The following DLGAP1 variants were observed in gnomAD, a reference collection of about 807,000 sequenced individuals.
The protein encoded by DLGAP1 is DLG associated protein 1.
A neutral mutation model predicts 90.8 loss-of-function variants in DLGAP1; 11 were observed. The observed-to-expected ratio is 0.12, with a 90% CI of 0.08 to 0.20. The LOEUF is 0.20. Among genes scored for constraint, DLGAP1 ranks in the 10% least tolerant of loss-of-function variants. DLGAP1 has a pLI of 1.00. For synonymous variants in DLGAP1, 558 were observed against 540.7 expected (o/e 1.03, Z -0.44); for missense variants, 1,050 against 1,333.8 (o/e 0.79, Z 3.31).
intron 5 of DLGAP1, among the ~76,000 whole-genome samples, chr18:3,756,340 C>T (rs559273192): frequency 3.3e-5 from 5 of 152,124 alleles, no homozygotes; most frequent in East Asian, 1.9e-4. Flanking sequence ...TGAGCCACCA[C>T]GCCTGGCCTA....
chr18:4,169,196 A>C (rs956236822), intron 1 of DLGAP1, among the ~76,000 whole-genome samples: 2 of 152,138 alleles, frequency 1.3e-5, no homozygotes, highest in Non-Finnish European at 2.9e-5. Flanking sequence ...AATTTTCCAA[A>C]TCCTTGTTAG....
At chr18:3,687,883 T>C (rs910152574) in intron 7 of DLGAP1, among the ~76,000 whole-genome samples, 4 of 150,406 alleles carry the variant, frequency 2.7e-5, no homozygotes, top group African/African-American at 9.8e-5. Context: ...ATAATGAGTA[T>C]AATTATCCCA....
At chr18:4,372,474 C>T (rs2081936449) in intron 1 of DLGAP1, among the ~76,000 whole-genome samples, 3 of 152,200 alleles carry the variant, frequency 2.0e-5, no homozygotes, top group Non-Finnish European at 2.9e-5. Context: ...GAGATACCCA[C>T]AGCATGTAAA....
intron 6 of DLGAP1, among the ~76,000 whole-genome samples, chr18:3,730,279 CCTG>C (rs1277332367): frequency 9.3e-6 from 1 of 107,150 alleles, no homozygotes; most frequent in African/African-American, 3.8e-5. Context: ...CAACAAAAAA[CCTG>C]ATAAGATTCA....
At chr18:4,443,495 A>G (rs149526454) in intron 1 of DLGAP1, among the ~76,000 whole-genome samples, 232 of 152,344 alleles carry the variant, frequency 1.5e-3, no homozygotes, top group African/African-American at 5.3e-3. Flanking sequence ...GGTCCTAAAC[A>G]TGGTTTTCAT....
chr18:4,378,794 G>A lies in DLGAP1; in HGVS notation c.-267+76212C>T, dbSNP rs539412576. The stretch of plus-strand genomic sequence containing the variant: ...TCTTCCCTCCTAACAGCTTGGTTGT[G>A]TCACAGTTCCATAAACACCATTCCA... On this transcript the variant is annotated intron_variant, in intron 1 of 12. Transcript: ENST00000315677. The surrounding 1 kb of genome is among the most constrained non-coding windows in gnomAD (Gnocchi z 4.5). Among the ~76,000 whole-genome samples, 23 of 152,148 alleles carry A rather than the reference G, an allele frequency of 1.5e-4. No homozygotes were observed. The highest frequency in any genetic ancestry group is 1.5e-3 in the South Asian group (7 of 4,826).
At chr18:3,961,985 G>A (rs2073208523) in intron 3 of DLGAP1, among the ~76,000 whole-genome samples, 1 of 152,150 alleles carries the variant, frequency 6.6e-6, no homozygotes, top group African/African-American at 2.4e-5. Flanking sequence ...ATACAGTAAA[G>A]GATCCCTTCG....
At chr18:3,751,163 A>T (rs913605429) in intron 5 of DLGAP1, among the ~76,000 whole-genome samples, 2 of 152,226 alleles carry the variant, frequency 1.3e-5, no homozygotes, top group African/African-American at 4.8e-5. Context: ...CTAACACTTG[A>T]GTGCTTCCTT....
intron 1 of DLGAP1, among the ~76,000 whole-genome samples, chr18:4,420,729 AT>A (rs1398042606): frequency 1.3e-5 from 2 of 152,192 alleles, no homozygotes; most frequent in Non-Finnish European, 2.9e-5. Context: ...TGGATAGTTT[AT>A]TGGCACCTCA....
In DLGAP1 at chr18:3,888,875, C is replaced by T. The variant is rs139664034; in HGVS notation, c.-72-8735G>A. 4.7e-3 allele frequency among the ~76,000 whole-genome samples: 712 copies of T among 152,244 alleles called. 10 individuals are homozygous for T. The highest frequency in any genetic ancestry group is 0.029 in the Admixed American group (437 of 15,296). On this transcript the variant is annotated intron_variant, in intron 3 of 12. Transcript: ENST00000315677. ...TGCCTGTGCTGACTCTATGGGACCTCGGAGATATGCTTCCTATGGAATTGT... is the reference window on the plus strand; with the variant it reads ...TGCCTGTGCTGACTCTATGGGACCTTGGAGATATGCTTCCTATGGAATTGT...
At chr18:4,092,139 T>G (rs2075781423) in intron 2 of DLGAP1, among the ~76,000 whole-genome samples, 1 of 152,110 alleles carries the variant, frequency 6.6e-6, no homozygotes, top group South Asian at 2.1e-4. Flanking sequence ...CTACCTTGTG[T>G]GTAGGTGGGG....
chr18:3,701,433 A>G (rs1010522209), intron 7 of DLGAP1, among the ~76,000 whole-genome samples: 3 of 152,208 alleles, frequency 2.0e-5, no homozygotes, highest in East Asian at 3.9e-4. Context: ...AGAATGTTAA[A>G]ATAATAATAT....
At chr18:4,245,888 G>T (rs577514697) in intron 1 of DLGAP1, among the ~76,000 whole-genome samples, 1 of 152,200 alleles carries the variant, frequency 6.6e-6, no homozygotes, top group Non-Finnish European at 1.5e-5. Context: ...TTGGGGACAG[G>T]GCCCCGACTC....
intron 2 of DLGAP1, among the ~76,000 whole-genome samples, chr18:4,110,007 T>C (rs912346296): frequency 3.6e-5 from 5 of 138,824 alleles, no homozygotes; most frequent in Non-Finnish European, 7.7e-5. Context: ...AAGATTTCTC[T>C]CGTCTCCAAA....
At chr18:3,592,864 A>AG (rs2056338775) in intron 7 of DLGAP1, among the ~76,000 whole-genome samples, 2 of 119,826 alleles carry the variant, frequency 1.7e-5, no homozygotes, top group Admixed American at 9.8e-5. Flanking sequence ...AAAAAAAAAA[A>AG]AAAGAAAAAG....
At chr18:3,782,275 T>A (rs2065235805) in intron 5 of DLGAP1, among the ~76,000 whole-genome samples, 3 of 152,104 alleles carry the variant, frequency 2.0e-5, no homozygotes, top group Admixed American at 1.3e-4. Context: ...TAGCTGGGAT[T>A]ACAGGTACGT....
At chr18:4,028,362 C>G (rs2074737074) in intron 2 of DLGAP1, among the ~76,000 whole-genome samples, 1 of 152,238 alleles carries the variant, frequency 6.6e-6, no homozygotes, top group Non-Finnish European at 1.5e-5. Context: ...TTACCTTGCT[C>G]TGCTCTGAGG....
At chr18:4,039,358 G>C (rs2074941577) in intron 2 of DLGAP1, among the ~76,000 whole-genome samples, 1 of 152,138 alleles carries the variant, frequency 6.6e-6, no homozygotes, top group Non-Finnish European at 1.5e-5. Context: ...CAGCAGTACA[G>C]CTGCCATCCA....
intron 7 of DLGAP1, among the ~76,000 whole-genome samples, chr18:3,663,187 C>T (rs1244561474): frequency 1.3e-5 from 2 of 151,780 alleles, no homozygotes; most frequent in Admixed American, 6.6e-5. Flanking sequence ...AGGAGAAATG[C>T]TTGAATCTGG....
Sources: gnomAD v4.1 joint callset for allele counts (sites outside exome capture counted in the v4.1 genomes callset) on GRCh38, gnomAD v4.1.1 for gene constraint, Gnocchi (gnomAD v3.1) non-coding constraint, MANE v1.5 for transcripts, NCBI Gene and HGNC (gene_info 2026-07-23, HGNC 2026-07-21) for gene names.